PDCD1LG2: variants seen among roughly 807,000 people sequenced by gnomAD.
The protein encoded by PDCD1LG2 is B7 dendritic cell molecule.
A neutral mutation model predicts 28.2 loss-of-function variants in PDCD1LG2; 32 were observed. The ratio of observed to expected loss-of-function variants is 1.13; its 90% CI spans 0.86 to 1.52. The LOEUF is 1.52. PDCD1LG2 is among the 40% of genes most tolerant of loss of function. The pLI is 0.00. For synonymous variants in PDCD1LG2, 116 were observed against 120.2 expected (o/e 0.97, Z 0.23); for missense variants, 385 against 323.8 (o/e 1.19, Z -1.45).
At chr9:5,568,483 A>T (rs111616624) in intron 6 of PDCD1LG2, among the ~76,000 whole-genome samples, 41 of 152,278 alleles carry the variant, frequency 2.7e-4, no homozygotes, top group African/African-American at 8.7e-4. Flanking sequence ...TCATCCTGAA[A>T]CTATAGCCTA....
chr9:5,556,282 G>C (rs1373708517), intron 4 of PDCD1LG2, among the ~76,000 whole-genome samples: 1 of 152,174 alleles, frequency 6.6e-6, no homozygotes, highest in Non-Finnish European at 1.5e-5. Context: ...AGGTCTCCTT[G>C]ACTCACAAAG....
intron 1 of PDCD1LG2, among the ~76,000 whole-genome samples, chr9:5,515,419 G>A (rs935179954): frequency 6.6e-6 from 1 of 152,196 alleles, no homozygotes; most frequent in African/African-American, 2.4e-5. Flanking sequence ...GGCAGGTCCT[G>A]AATTCTTGTC....
At chr9:5,530,583 G>C (rs925553065) in intron 2 of PDCD1LG2, among the ~76,000 whole-genome samples, 1 of 152,028 alleles carries the variant, frequency 6.6e-6, no homozygotes, top group Non-Finnish European at 1.5e-5. Context: ...TGAAGACACA[G>C]AGATGAATTT....
At chr9:5,525,060 A>G (rs1402940956) in intron 2 of PDCD1LG2, among the ~76,000 whole-genome samples, 1 of 152,238 alleles carries the variant, frequency 6.6e-6, no homozygotes, top group African/African-American at 2.4e-5. Context: ...TTTAAAAATA[A>G]CACTTGGCCA....
chr9:5,545,235 ATAACTAGCCCTTGGC>A (rs1563829359), intron 3 of PDCD1LG2, among the ~76,000 whole-genome samples: 2 of 152,250 alleles, frequency 1.3e-5, no homozygotes. Context: ...AAGAGGTCAT[ATAACTAGCCCTTGGC>A]TAAAGCCTAC....
At chr9:5,550,534 T>A (rs572381290) in intron 4 of PDCD1LG2, among the ~76,000 whole-genome samples, 54 of 152,256 alleles carry the variant, frequency 3.5e-4, no homozygotes, top group African/African-American at 1.3e-3. Flanking sequence ...CAAATCAAGG[T>A]GTCAGCAGGA....
chr9:5,518,538 A>C (rs1820211163), intron 1 of PDCD1LG2, among the ~76,000 whole-genome samples: 1 of 152,242 alleles, frequency 6.6e-6, no homozygotes, highest in Admixed American at 6.5e-5. Context: ...ATATATATGC[A>C]TCTGAATAAG....
At chr9:5,536,328 G>T (rs902815668) in intron 3 of PDCD1LG2, among the ~76,000 whole-genome samples, 1 of 152,168 alleles carries the variant, frequency 6.6e-6, no homozygotes, top group African/African-American at 2.4e-5. Context: ...AGTGTCCAGA[G>T]ACTTGGTTAA....
At chr9:5,535,546 T>A (rs573800279) in intron 3 of PDCD1LG2, among the ~76,000 whole-genome samples, 47 of 152,198 alleles carry the variant, frequency 3.1e-4, no homozygotes, top group African/African-American at 1.1e-3. Flanking sequence ...ACAGAGTAGA[T>A]CAGACGACAT....
At chr9:5,560,236 C>T (rs1586819921) in intron 5 of PDCD1LG2, among the ~76,000 whole-genome samples, 2 of 152,322 alleles carry the variant, frequency 1.3e-5, no homozygotes, top group Admixed American at 1.3e-4. Context: ...TACCCACATG[C>T]CCATCTTAGC....
At position 5,549,481 on chromosome 9, in the gene PDCD1LG2, C is replaced by T. The variant is rs1816279756; in HGVS notation, c.508C>T (p.Pro170Ser). The T allele has an allele frequency of 1.2e-6, 2 of 1,614,192 alleles. No individual in the cohort carries two copies. The highest frequency in any genetic ancestry group is 2.7e-5 in the African/African-American group (2 of 75,056). Residue 170 changes from proline to serine, a missense_variant, in exon 4 of 7, where the codon CCT (proline) becomes TCT (serine). Pro to Ser is a moderately conservative substitution (Grantham distance 74). Transcript: ENST00000397747. ...VPANTSHSRT[P>S]EGLYQVTSVL... ...TGCCAACACCAGCCACTCCAGGACC[C>T]CTGAAGGCCTCTACCAGGTCACCAG...
At chr9:5,515,945 A>AAG (rs1352621840) in intron 1 of PDCD1LG2, among the ~76,000 whole-genome samples, 2 of 149,864 alleles carry the variant, frequency 1.3e-5, no homozygotes, top group African/African-American at 2.4e-5. Flanking sequence ...AAAAAAAAAA[A>AAG]AAAAGAAAAG....
chr9:5,521,591 C>G (rs1441946582), intron 1 of PDCD1LG2, among the ~76,000 whole-genome samples: 2 of 152,066 alleles, frequency 1.3e-5, no homozygotes, highest in Non-Finnish European at 2.9e-5. Flanking sequence ...TGCCAGCAAC[C>G]TCTCCCTCTC....
intron 6 of PDCD1LG2, among the ~76,000 whole-genome samples, chr9:5,563,629 A>C (rs1816610363): frequency 6.6e-6 from 1 of 152,184 alleles, no homozygotes; most frequent in African/African-American, 2.4e-5. Context: ...ACAGGTTTGG[A>C]GCTGGAATCT....
At chr9:5,522,107 T>C (rs1471136761) in intron 1 of PDCD1LG2, among the ~76,000 whole-genome samples, 1 of 152,226 alleles carries the variant, frequency 6.6e-6, no homozygotes, top group East Asian at 1.9e-4. Flanking sequence ...TATGGAGTCT[T>C]ATTTTCAAGT....
At chr9:5,535,496 G>A (rs374092292) in intron 3 of PDCD1LG2, among the ~76,000 whole-genome samples, 12 of 152,076 alleles carry the variant, frequency 7.9e-5, no homozygotes, top group Non-Finnish European at 1.3e-4. Context: ...CCAGATGCAC[G>A]TTTCCCGCCC....
intron 2 of PDCD1LG2, among the ~76,000 whole-genome samples, chr9:5,533,283 T>A (rs1476137226): frequency 6.6e-6 from 1 of 152,232 alleles, no homozygotes; most frequent in Non-Finnish European, 1.5e-5. Flanking sequence ...TTTTGTCATT[T>A]TTCACACTTT....
intron 6 of PDCD1LG2, among the ~76,000 whole-genome samples, chr9:5,563,932 A>G (rs950504036): frequency 3.3e-5 from 5 of 152,222 alleles, no homozygotes; most frequent in African/African-American, 1.2e-4. Flanking sequence ...CTTTACTTCA[A>G]GTTAACTGAT....
chr9:5,553,930 C>T (rs1438622606), intron 4 of PDCD1LG2, among the ~76,000 whole-genome samples: 1 of 152,184 alleles, frequency 6.6e-6, no homozygotes, highest in Non-Finnish European at 1.5e-5. Context: ...AACTTGGCTG[C>T]ACCTTTTCTA....
Sources: gnomAD v4.1 joint callset for allele counts (sites outside exome capture counted in the v4.1 genomes callset) on GRCh38, gnomAD v4.1.1 for gene constraint, MANE v1.5 for transcripts, NCBI Gene and HGNC (gene_info 2026-07-23, HGNC 2026-07-21) for gene names.